DLGAP1: variants seen among roughly 807,000 people sequenced by gnomAD.
The protein encoded by DLGAP1 is DLG associated protein 1.
In DLGAP1, 11 loss-of-function variants were observed where a neutral mutation model predicts 90.8. The ratio of observed to expected loss-of-function variants is 0.12; its 90% CI spans 0.08 to 0.20. The LOEUF is 0.20. Ranked by LOEUF, DLGAP1 falls within the 10% of genes least tolerant of loss-of-function variation. The pLI, the probability that DLGAP1 is intolerant of heterozygous loss-of-function variation, is 1.00. For missense variants in DLGAP1, 1,050 were observed against 1,333.8 expected (o/e 0.79, Z 3.31); for synonymous variants, 558 against 540.7 (o/e 1.03, Z -0.44).
rs189258028 is a variant in DLGAP1 at position 3,523,604 on chromosome 18, T to C, written c.2479+10590A>G. On this transcript the variant is annotated intron_variant, in intron 10 of 12. Transcript: ENST00000315677. Reference sequence around the variant, plus strand: ...GGCTCACGCCTGTAATCCCAGCACTTTGGGAGGCCAAGGAGGGCGGATCAC... The same window carrying C: ...GGCTCACGCCTGTAATCCCAGCACTCTGGGAGGCCAAGGAGGGCGGATCAC... Among the ~76,000 whole-genome samples the C allele has an allele frequency of 9.7e-3, 1,471 of 151,684 alleles. 32 individuals carry two copies. Among genetic ancestry groups the C allele is most frequent in the African/African-American group, 0.034 (1,406 of 41,360 alleles).
In DLGAP1 at chr18:3,614,686, C is replaced by CAAAAA. The variant is rs35764644; in HGVS notation, c.1592-32443_1592-32439dup. On this transcript the variant is annotated intron_variant, in intron 7 of 12. Coordinates refer to ENST00000315677, the MANE Select transcript of DLGAP1 (RefSeq NM_004746.4). ...AGAAACCCCGCCTCTACTAAAAATACAAAAAAAAAAAAAAAAGAGCCAGGC... is the reference window on the plus strand; with the variant it reads ...AGAAACCCCGCCTCTACTAAAAATACAAAAAAAAAAAAAAAAAAAAAGAGCCAGGC... Among the ~76,000 whole-genome samples the CAAAAA allele has an allele frequency of 9.0e-3, 947 of 104,966 alleles. 38 individuals are homozygous for CAAAAA. The highest frequency in any genetic ancestry group is 0.025 in the African/African-American group (688 of 27,326). The allele number at this position is 104,966 out of a possible 152,430, so 68.9% of individuals were successfully genotyped here.
At chr18:4,127,512 T>C (rs571640377) in intron 2 of DLGAP1, among the ~76,000 whole-genome samples, 1 of 152,270 alleles carries the variant, frequency 6.6e-6, no homozygotes, top group African/African-American at 2.4e-5. Flanking sequence ...AGTTGATCCA[T>C]TGATGAAAGA....
chr18:4,165,159 C>A lies in DLGAP1; in HGVS notation c.-266-13872G>T, dbSNP rs191001368. ...TCAAGAAAACTCCAAACAAGATAAACCCCAAAAAGTGTAGACTAATTAAAA... is the reference window on the plus strand; with the variant it reads ...TCAAGAAAACTCCAAACAAGATAAAACCCAAAAAGTGTAGACTAATTAAAA... On this transcript the variant is annotated intron_variant, in intron 1 of 12. Transcript: ENST00000315677. 8.7e-4 allele frequency among the ~76,000 whole-genome samples: 133 copies of A among 152,120 alleles called. 2 individuals carry two copies. The East Asian group carries it at 0.022, about 25-fold the overall frequency.
intron 5 of DLGAP1, among the ~76,000 whole-genome samples, chr18:3,755,051 A>T (rs1008904445): frequency 3.9e-5 from 6 of 152,208 alleles, no homozygotes; most frequent in African/African-American, 1.4e-4. Flanking sequence ...TGTAGTTCAT[A>T]TCATACTACT....
intron 2 of DLGAP1, among the ~76,000 whole-genome samples, chr18:4,023,826 A>G (rs2074654076): frequency 6.6e-6 from 1 of 152,050 alleles, no homozygotes; most frequent in South Asian, 2.1e-4. Flanking sequence ...ATGGCCTAGC[A>G]TTGAATCTGG....
At chr18:4,332,534 C>T (rs76621967) in intron 1 of DLGAP1, among the ~76,000 whole-genome samples, 3,665 of 151,806 alleles carry the variant, frequency 0.024, 67 homozygotes, top group Admixed American at 0.04. Context: ...CTTTCATTTC[C>T]AAAGCTGCAT....
chr18:4,439,844 C>T (rs1012550653), intron 1 of DLGAP1, among the ~76,000 whole-genome samples: 8 of 151,560 alleles, frequency 5.3e-5, no homozygotes, highest in Admixed American at 2.0e-4. Context: ...AATGGCCGGG[C>T]GCAGTGGCTC....
intron 1 of DLGAP1, among the ~76,000 whole-genome samples, chr18:4,320,755 C>T: frequency 1.0e-5 from 1 of 99,946 alleles, no homozygotes; most frequent in Non-Finnish European, 2.0e-5. Context: ...CACACACACA[C>T]ACACACACAA....
At chr18:4,018,874 G>A (rs1273601011) in intron 2 of DLGAP1, among the ~76,000 whole-genome samples, 1 of 152,184 alleles carries the variant, frequency 6.6e-6, no homozygotes, top group East Asian at 1.9e-4. Flanking sequence ...CGATTTGGGG[G>A]GTCAAGGTTC....
chr18:4,253,351 CTG>C (rs2078822392), intron 1 of DLGAP1, among the ~76,000 whole-genome samples: 2 of 152,098 alleles, frequency 1.3e-5, no homozygotes, highest in Admixed American at 1.3e-4. Flanking sequence ...AAATAATATT[CTG>C]AAATATTTGA....
chr18:4,000,350 G>C (rs1023611492), intron 3 of DLGAP1, among the ~76,000 whole-genome samples: 1 of 151,954 alleles, frequency 6.6e-6, no homozygotes, highest in Non-Finnish European at 1.5e-5. Context: ...TGATATCCTT[G>C]AGGCAATCAC....
intron 5 of DLGAP1, among the ~76,000 whole-genome samples, chr18:3,807,158 A>G (rs1301325298): frequency 6.6e-6 from 1 of 152,228 alleles, no homozygotes; most frequent in African/African-American, 2.4e-5. Context: ...CTTGCGACTC[A>G]GAACTCACTT....
intron 3 of DLGAP1, among the ~76,000 whole-genome samples, chr18:3,921,722 T>C (rs1403792430): frequency 6.6e-6 from 1 of 152,224 alleles, no homozygotes; most frequent in Non-Finnish European, 1.5e-5. Flanking sequence ...AGGATTTAAA[T>C]AGGTCATAGA....
chr18:4,039,370 C>T (rs1176884494), intron 2 of DLGAP1, among the ~76,000 whole-genome samples: 1 of 152,194 alleles, frequency 6.6e-6, no homozygotes. Flanking sequence ...TGCCATCCAT[C>T]TCTGTCCTCC....
At chr18:3,745,067 A>C (rs1321222169) in intron 5 of DLGAP1, among the ~76,000 whole-genome samples, 11 of 152,356 alleles carry the variant, frequency 7.2e-5, no homozygotes, top group African/African-American at 2.6e-4. Context: ...AACTGAAAGA[A>C]GCCTCATATT....
At chr18:4,296,772 C>T (rs775621125) in intron 1 of DLGAP1, among the ~76,000 whole-genome samples, 5 of 152,164 alleles carry the variant, frequency 3.3e-5, no homozygotes, top group Non-Finnish European at 4.4e-5. Flanking sequence ...CAGGCTATTG[C>T]CATCAGAACC....
intron 7 of DLGAP1, among the ~76,000 whole-genome samples, chr18:3,688,365 C>A (rs187562032): frequency 1.3e-5 from 2 of 151,996 alleles, no homozygotes; most frequent in African/African-American, 4.8e-5. Flanking sequence ...AGAAATCCAG[C>A]CCTCTAAAGG....
chr18:3,873,862 A>C (rs1230287745), intron 4 of DLGAP1, among the ~76,000 whole-genome samples: 1 of 152,140 alleles, frequency 6.6e-6, no homozygotes, highest in Non-Finnish European at 1.5e-5. Context: ...TTCAATCACC[A>C]GCCATATAAT....
At chr18:3,965,538 A>G (rs1278161767) in intron 3 of DLGAP1, among the ~76,000 whole-genome samples, 2 of 152,230 alleles carry the variant, frequency 1.3e-5, no homozygotes, top group Non-Finnish European at 1.5e-5. Context: ...AAATCATAAC[A>G]TAATACCTAA....
Sources: allele counts gnomAD v4.1 joint callset (sites outside exome capture counted in the v4.1 genomes callset), GRCh38; gene constraint gnomAD v4.1.1; transcripts MANE v1.5; gene names NCBI Gene and HGNC (gene_info 2026-07-23, HGNC 2026-07-21).